The following NKAIN3 variants were observed in gnomAD, a reference collection of about 807,000 sequenced individuals.
The protein encoded by NKAIN3 is sodium/potassium-transporting ATPase subunit beta-1-interacting protein 3.
Under a neutral mutation model 30.2 loss-of-function variants are expected in NKAIN3, and 25 were observed. The observed-to-expected ratio is 0.83, with a 90% CI of 0.60 to 1.16. The LOEUF is 1.16. NKAIN3 is among the 50% of genes most tolerant of loss of function. The pLI is 0.00. For synonymous variants in NKAIN3, 91 were observed against 89.6 expected (o/e 1.02, Z -0.09); for missense variants, 225 against 254.1 (o/e 0.89, Z 0.78).
At chr8:62,393,557 TA>T (rs1266744289) in intron 1 of NKAIN3, among the ~76,000 whole-genome samples, 1 of 151,908 alleles carries the variant, frequency 6.6e-6, no homozygotes, top group African/African-American at 2.4e-5. Context: ...TGTTTTTTCT[TA>T]AAAAAATTTT....
rs1316247605 is a variant in NKAIN3, at chr8:62,978,279, G to A, written c.*12872G>A. The A allele has an allele frequency of 6.6e-6, 1 of 152,510 alleles. No homozygotes were observed. The allele number at this position is 152,510 out of a possible 1,614,324, so 9.4% of individuals were successfully genotyped here. A position where few individuals can be genotyped will look rare whatever the true frequency, so the allele number is the denominator to read the frequency against. On this transcript the variant is annotated 3_prime_UTR_variant, in exon 7 of 7. Transcript: ENST00000623646. Reference sequence around the variant, plus strand: ...TCTGCTGCTCTCTTCAGAGCTGGCAGGTGGGAATGTTTAAGTCTGCTGAAG... The same window carrying A: ...TCTGCTGCTCTCTTCAGAGCTGGCAAGTGGGAATGTTTAAGTCTGCTGAAG...
intron 3 of NKAIN3, among the ~76,000 whole-genome samples, chr8:62,606,508 A>G (rs1408294771): frequency 3.3e-5 from 5 of 152,090 alleles, no homozygotes; most frequent in Non-Finnish European, 5.9e-5. Flanking sequence ...TTAAGAAAGT[A>G]TGCTGCTGGA....
chr8:62,500,824 G>A (rs925638922), intron 1 of NKAIN3, among the ~76,000 whole-genome samples: 7 of 152,068 alleles, frequency 4.6e-5, no homozygotes, highest in Non-Finnish European at 1.0e-4. Context: ...CTCTTATTTT[G>A]TTCCTCCTAT....
chr8:62,511,591 G>A (rs772303479), intron 1 of NKAIN3, among the ~76,000 whole-genome samples: 1 of 152,146 alleles, frequency 6.6e-6, no homozygotes, highest in Non-Finnish European at 1.5e-5. Flanking sequence ...CAAAGGCCCT[G>A]ACATTTCATA....
intron 2 of NKAIN3, among the ~76,000 whole-genome samples, chr8:62,585,541 TGGG>T (rs927441412): frequency 2.6e-5 from 4 of 152,146 alleles, no homozygotes; most frequent in African/African-American, 9.7e-5. Flanking sequence ...GAGTTGGTTT[TGGG>T]ATGAAAATGT....
intron 1 of NKAIN3, among the ~76,000 whole-genome samples, chr8:62,470,624 T>C (rs1279811648): frequency 6.6e-6 from 1 of 152,130 alleles, no homozygotes; most frequent in East Asian, 1.9e-4. Flanking sequence ...TCACATGAGC[T>C]GAAGGCAGAG....
chr8:62,688,202 A>G lies in NKAIN3; in HGVS notation c.274-58730A>G, dbSNP rs146477904. Among the ~76,000 whole-genome samples the G allele has an allele frequency of 6.8e-4, 103 of 152,304 alleles. 1 individual carries two copies. The Middle Eastern group carries it at 0.01, about 15-fold the overall frequency. ...GACTTCTTAGAAAGTTCATTCTTAT[A>G]TTGAGTAAGCATCTGTTTCCATTAT... On this transcript the variant is annotated intron_variant, in intron 3 of 6. Transcript: ENST00000623646.
At chr8:62,830,568 A>G (rs1175104776) in intron 4 of NKAIN3, among the ~76,000 whole-genome samples, 9 of 152,186 alleles carry the variant, frequency 5.9e-5, no homozygotes, top group Non-Finnish European at 1.3e-4. Context: ...TGTTATCTCT[A>G]TAAAAGTAGT....
At chr8:62,870,311 TAG>T (rs1310985347) in intron 4 of NKAIN3, among the ~76,000 whole-genome samples, 3 of 70,056 alleles carry the variant, frequency 4.3e-5, no homozygotes, top group East Asian at 2.3e-4. Context: ...CATCTATATA[TAG>T]AGAGATATAT....
intron 1 of NKAIN3, among the ~76,000 whole-genome samples, chr8:62,511,637 A>T (rs1170137835): frequency 3.9e-5 from 6 of 152,130 alleles, no homozygotes; most frequent in Non-Finnish European, 8.8e-5. Context: ...TTCCACCTTG[A>T]TGTACATTTG....
intron 3 of NKAIN3, among the ~76,000 whole-genome samples, chr8:62,607,084 T>G (rs1327981207): frequency 6.6e-6 from 1 of 152,188 alleles, no homozygotes; most frequent in Non-Finnish European, 1.5e-5. Context: ...GTTAACCATG[T>G]AGAAATGAAG....
chr8:62,390,378 G>A (rs570154538), intron 1 of NKAIN3, among the ~76,000 whole-genome samples: 2 of 152,056 alleles, frequency 1.3e-5, no homozygotes, highest in Non-Finnish European at 2.9e-5. Context: ...ACATGAGCTT[G>A]TTCTTTTTTT....
At position 62,249,101 on chromosome 8, in the gene NKAIN3, C is replaced by G; in HGVS notation, c.28C>G (p.Leu10Val). 2 of 1,539,142 alleles carry G rather than the reference C, an allele frequency of 1.3e-6. No individual in the cohort carries two copies. Among genetic ancestry groups the G allele is most frequent in the Non-Finnish European group, 1.7e-6 (2 of 1,144,168 alleles). MGCCTGRCS[L>V]ICLCALQLVS... is the part of the protein sequence containing the mutation. ...GGGCTGCTGCACCGGACGCTGCTCG[C>G]TCATCTGCCTCTGCGCGCTGCAGTT... Residue 10 changes from leucine to valine, a missense_variant, in exon 1 of 7, where the codon CTC becomes GTC. By Grantham distance (32) the Leu-to-Val change is conservative. Coordinates refer to ENST00000623646, the MANE Select transcript of NKAIN3 (RefSeq NM_001304533.3).
intron 4 of NKAIN3, among the ~76,000 whole-genome samples, chr8:62,913,276 C>G (rs1786913445): frequency 6.6e-6 from 1 of 152,010 alleles, no homozygotes; most frequent in Non-Finnish European, 1.5e-5. Context: ...TTTGTGTTTG[C>G]TATACTTTTA....
At chr8:62,548,359 G>T (rs13248275) in intron 1 of NKAIN3, among the ~76,000 whole-genome samples, 11,288 of 152,240 alleles carry the variant, frequency 0.074, 476 homozygotes, top group Middle Eastern at 0.14. Flanking sequence ...TGATGAAATG[G>T]TGATCAAATA....
chr8:62,436,361 T>A (rs1285420284), intron 1 of NKAIN3, among the ~76,000 whole-genome samples: 1 of 152,104 alleles, frequency 6.6e-6, no homozygotes, highest in Non-Finnish European at 1.5e-5. Flanking sequence ...GGGCTGAAAA[T>A]TATACATGAA....
At chr8:62,667,334 ATATATATATTCTT>A (rs1326294810) in intron 3 of NKAIN3, among the ~76,000 whole-genome samples, 1 of 114,148 alleles carries the variant, frequency 8.8e-6, no homozygotes, top group Non-Finnish European at 1.6e-5. Flanking sequence ...TATATTCTTT[ATATATATATTCTT>A]TATATATATA....
intron 1 of NKAIN3, among the ~76,000 whole-genome samples, chr8:62,362,268 A>T (rs1563365179): frequency 6.6e-6 from 1 of 152,204 alleles, no homozygotes; most frequent in East Asian, 1.9e-4. Flanking sequence ...AATCAGAGGG[A>T]CACATTTAGA....
chr8:62,379,229 G>C (rs1054089251), intron 1 of NKAIN3, among the ~76,000 whole-genome samples: 1 of 152,140 alleles, frequency 6.6e-6, no homozygotes, highest in Non-Finnish European at 1.5e-5. Flanking sequence ...CCTGTACCCC[G>C]ATTGTATCTA....
Sources: gnomAD v4.1 joint callset for allele counts (sites outside exome capture counted in the v4.1 genomes callset) on GRCh38, gnomAD v4.1.1 for gene constraint, MANE v1.5 for transcripts, NCBI Gene and HGNC (gene_info 2026-07-23, HGNC 2026-07-21) for gene names.